Variants in KIF24 observed in about 807,000 individuals in gnomAD.
KIF24 encodes the protein kinesin family member 24, also known as kinesin-like protein KIF24.
In KIF24, 81 loss-of-function variants were observed where a neutral mutation model predicts 118.9. That is an observed-to-expected ratio of 0.68 (90% CI 0.57 to 0.82). KIF24 has a LOEUF of 0.82. Among genes scored for constraint, KIF24 ranks in the 40% least tolerant of loss-of-function variants. The pLI is 0.00. For missense variants in KIF24, 1,560 were observed against 1,661.6 expected (o/e 0.94, Z 1.06); for synonymous variants, 599 against 610.0 (o/e 0.98, Z 0.27).
rs748570784 is a variant in KIF24, at chr9:34,271,841, C to T, written c.1305G>A (p.Gln435=). The T allele has an allele frequency of 1.2e-6, 2 of 1,612,730 alleles. No individual in the cohort carries two copies. Among genetic ancestry groups the T allele is most frequent in the Non-Finnish European group, 8.5e-7 (1 of 1,179,332 alleles). ...ATGTCCTCTTGGCTGAATCTTTGAT[C>T]TGAATTTGGATGACGGCATGGGAGC... ...SSRSHAVIQI[Q]IKDSAKRTFG... Residue 435 remains glutamine (Q), a synonymous_variant, in exon 7 of 13, where the codon CAG becomes CAA. Transcript: ENST00000402558.
chr9:34,286,062 G>A (rs1041277113), intron 6 of KIF24, among the ~76,000 whole-genome samples: 2 of 151,970 alleles, frequency 1.3e-5, no homozygotes, highest in Admixed American at 6.6e-5. Context: ...GGCTGGGTGC[G>A]GTGGCTCACG....
At chr9:34,286,209 C>T (rs1836045430) in intron 6 of KIF24, among the ~76,000 whole-genome samples, 1 of 152,120 alleles carries the variant, frequency 6.6e-6, no homozygotes, top group Non-Finnish European at 1.5e-5. Context: ...TGGTGGGAGC[C>T]TGTAATCTCA....
At position 34,303,033 on chromosome 9, in the gene KIF24, C is replaced by G. The variant is rs139533013; in HGVS notation, c.813+3219G>C. Reference sequence around the variant, plus strand: ...TTGTGACCCACCTGCCTCAGCCTCCCAAAGTGCTGGGATTACAGGCGTGAG... The same window carrying G: ...TTGTGACCCACCTGCCTCAGCCTCCGAAAGTGCTGGGATTACAGGCGTGAG... On this transcript the variant is annotated intron_variant, in intron 3 of 12. Transcript: ENST00000402558. 0.014 allele frequency among the ~76,000 whole-genome samples: 2,113 copies of G among 152,180 alleles called. 87 individuals carry two copies. In the East Asian group the frequency reaches 0.16, roughly 11 times the overall value.
intron 3 of KIF24, among the ~76,000 whole-genome samples, chr9:34,300,620 G>A (rs1836663047): frequency 6.6e-6 from 1 of 151,746 alleles, no homozygotes; most frequent in African/African-American, 2.4e-5. Context: ...CGCCTGCCTC[G>A]GCCTACCAAA....
chr9:34,315,677 A>C (rs1474022885), intron 1 of KIF24, among the ~76,000 whole-genome samples: 1 of 152,242 alleles, frequency 6.6e-6, no homozygotes. Flanking sequence ...TGTGCTAGAT[A>C]GGTGTGCAAC....
chr9:34,323,402 C>A (rs1010819392), intron 1 of KIF24, among the ~76,000 whole-genome samples: 1 of 152,114 alleles, frequency 6.6e-6, no homozygotes, highest in African/African-American at 2.4e-5. Flanking sequence ...ATAAACATAA[C>A]AAAATTTTAG....
At position 34,256,954 on chromosome 9, in the gene KIF24, T is replaced by C; in HGVS notation, c.2653A>G (p.Lys885Glu). 1.9e-6 allele frequency: 3 copies of C among 1,614,004 alleles called. No individual in the cohort carries two copies. The highest frequency in any genetic ancestry group is 2.5e-6 in the Non-Finnish European group (3 of 1,179,892). The change falls in exon 11 of 13, where the codon AAG (lysine) becomes GAG (glutamate). Residue 885 changes from lysine to glutamate, a missense_variant. Physicochemically the swap from Lys to Glu is moderately conservative, Grantham distance 56. Coordinates refer to ENST00000402558, the MANE Select transcript of KIF24 (RefSeq NM_194313.4). Reference protein sequence around the residue: ...SLFSSPRTGDKKDLTKSWVDS... With the variant: ...SLFSSPRTGDEKDLTKSWVDS... ...ACCCAGCTTTTAGTTAGATCTTTCT[T>C]GTCACCTGTCCTGGGGCTAGAAAAC...
chr9:34,290,157 C>T lies in KIF24; in HGVS notation c.1127+17G>A, dbSNP rs1409387159. ...TAGCGATGAACAGATTTATCGCTTCCCACTCATATTCAGTACCTTTTTCTT... is the reference window on the plus strand; with the variant it reads ...TAGCGATGAACAGATTTATCGCTTCTCACTCATATTCAGTACCTTTTTCTT... On this transcript the variant is annotated intron_variant, in intron 5 of 12. Transcript: ENST00000402558. 1.3e-6 allele frequency: 2 copies of T among 1,551,532 alleles called. No individual in the cohort carries two copies. The highest frequency in any genetic ancestry group is 2.2e-5 in the South Asian group (2 of 89,612).
intron 1 of KIF24, among the ~76,000 whole-genome samples, chr9:34,316,003 TGGGTGACAGAGC>T (rs1443770968): frequency 2.6e-5 from 4 of 151,136 alleles, no homozygotes; most frequent in Non-Finnish European, 5.9e-5. Context: ...CACTCCAACC[TGGGTGACAGAGC>T]AAGACTCTGT....
intron 2 of KIF24, among the ~76,000 whole-genome samples, chr9:34,308,967 G>C (rs933549352): frequency 3.3e-5 from 5 of 152,106 alleles, no homozygotes; most frequent in African/African-American, 1.2e-4. Flanking sequence ...TGTAGTCCTA[G>C]CTACTTGGGT....
In KIF24 at chr9:34,306,238, C is replaced by T. The variant is rs774605484; in HGVS notation, c.813+14G>A. 24 of 1,536,456 alleles carry T rather than the reference C, an allele frequency of 1.6e-5. No individual in the cohort carries two copies. The highest frequency in any genetic ancestry group is 4.6e-5 in the East Asian group (2 of 43,548). On this transcript the variant is annotated intron_variant, in intron 3 of 12. Coordinates refer to ENST00000402558, the MANE Select transcript of KIF24 (RefSeq NM_194313.4). ...GATAATATTAGTTCCAAACATAAAACGAAAACATCATACCTGCAGAATATA... is the reference window on the plus strand; with the variant it reads ...GATAATATTAGTTCCAAACATAAAATGAAAACATCATACCTGCAGAATATA...
Position 34,290,405 on chromosome 9 carries a change from T to C in KIF24, c.912-16A>G. On this transcript the variant is annotated splice_polypyrimidine_tract_variant and intron_variant, in intron 4 of 12. Coordinates refer to ENST00000402558, the MANE Select transcript of KIF24 (RefSeq NM_194313.4). ...GGCATTGCCTCTGGGGAAAGGATAA[T>C]TTGCATTACTTATGCATATTAAGAG... 6.6e-7 allele frequency: 1 copy of C among 1,522,924 alleles called. No individual in the cohort carries two copies. Among genetic ancestry groups the C allele is most frequent in the Non-Finnish European group, 9.1e-7 (1 of 1,101,100 alleles). 94.3% of individuals were successfully genotyped at this position (1,522,924 alleles called of 1,614,324 possible).
At chr9:34,296,252 C>T (rs970346609) in intron 4 of KIF24, among the ~76,000 whole-genome samples, 6 of 137,466 alleles carry the variant, frequency 4.4e-5, no homozygotes, top group African/African-American at 1.6e-4. Context: ...TGAGGCCGGG[C>T]GTGGTGGCTC....
chr9:34,288,130 C>T (rs1338195246), intron 5 of KIF24, among the ~76,000 whole-genome samples: 1 of 152,014 alleles, frequency 6.6e-6, no homozygotes, highest in African/African-American at 2.4e-5. Context: ...TTAAGAGGCA[C>T]ACTGAACATA....
rs773657758 is a variant in KIF24 at position 34,255,807 on chromosome 9, C to G, written c.3800G>C (p.Ser1267Thr). Residue 1267 changes from serine (S) to threonine (T), a missense_variant, in exon 11 of 13, where the codon AGT (serine) becomes ACT (threonine). Transcript: ENST00000402558. ...AGAGCAGCTGGGAACCAAGGGAGAA[C>G]TTGGCCTTGCTAAGCACCTTGAGAT... The part of the protein sequence containing the change: ...RPISRCLARP[S>T]SPLVPSCSPK... 8.7e-6 allele frequency: 14 copies of G among 1,613,918 alleles called. No individual in the cohort carries two copies. The highest frequency in any genetic ancestry group is 4.5e-5 in the East Asian group (2 of 44,870).
chr9:34,255,918 A>C lies in KIF24; in HGVS notation c.3689T>G (p.Leu1230Arg). The change falls in exon 11 of 13, where the codon CTT becomes CGT. Residue 1230 changes from leucine to arginine, a missense_variant. By Grantham distance (102) the Leu-to-Arg change is moderately radical. Around this residue, in one of 3 missense-constraint regions of KIF24, gnomAD observed 591 missense variants for 655.6 expected, o/e 0.90. Transcript: ENST00000402558. ...GGACAAACCAAACTCCTGCCAACCA[A>C]GCCTTGTAGGATGTTTTCTCTCCTG... is the stretch of plus-strand genomic sequence containing the variant. ...WAQERKHPTR[L>R]GWQEFGLSTD... 4 of 1,613,990 alleles carry C rather than the reference A, an allele frequency of 2.5e-6. No homozygotes were observed. Among genetic ancestry groups the C allele is most frequent in the African/African-American group, 1.3e-5 (1 of 75,040 alleles).
At chr9:34,279,821 G>A (rs1259195604) in intron 6 of KIF24, among the ~76,000 whole-genome samples, 2 of 152,188 alleles carry the variant, frequency 1.3e-5, no homozygotes, top group East Asian at 3.8e-4. Flanking sequence ...TTATTTATGA[G>A]GATAACTGTG....
chr9:34,265,034 CAT>C (rs1237432218), intron 8 of KIF24, among the ~76,000 whole-genome samples: 5 of 151,928 alleles, frequency 3.3e-5, no homozygotes, highest in Non-Finnish European at 5.9e-5. Context: ...TGAGTGCAAA[CAT>C]ATATATAGAC....
At chr9:34,271,762 A>G (rs773707461) in intron 7 of KIF24, 47 bp downstream of exon 7, 18 of 1,603,434 alleles carry the variant, frequency 1.1e-5, no homozygotes, top group Non-Finnish European at 1.5e-5. Context: ...TCAAAGTCAC[A>G]TTAAAGGAAA....
Sources: allele counts gnomAD v4.1 joint callset (sites outside exome capture counted in the v4.1 genomes callset), GRCh38; gene constraint gnomAD v4.1.1; regional missense constraint gnomAD v4.1.1; transcripts MANE v1.5; gene names NCBI Gene and HGNC (gene_info 2026-07-23, HGNC 2026-07-21).